Variants in ETV7 observed in about 807,000 individuals in gnomAD.
ETV7 encodes the protein ETS variant transcription factor 7.
ETV7 carries 43 observed loss-of-function variants against 39.1 expected under a neutral mutation model. The ratio of observed to expected loss-of-function variants is 1.10; its 90% CI spans 0.86 to 1.42. The LOEUF is 1.42. ETV7 is among the 40% of genes most tolerant of loss of function. ETV7 has a pLI of 0.00. For synonymous variants in ETV7, 196 were observed against 176.6 expected, an observed-to-expected ratio of 1.11 and a Z score of -0.87; for missense variants, 432 against 442.3, an observed-to-expected ratio of 0.98 and a Z score of 0.21.
intron 2 of ETV7, among the ~76,000 whole-genome samples, chr6:36,383,544 T>C (rs1773754414): frequency 6.6e-6 from 1 of 151,346 alleles, no homozygotes; most frequent in African/African-American, 2.4e-5. Flanking sequence ...AGGTTGGAGG[T>C]AGGGGAGGGA....
In ETV7 at chr6:36,371,523, G is replaced by A; in HGVS notation, c.471C>T (p.Gly157=). 6.2e-7 allele frequency: 1 copy of A among 1,603,090 alleles called. No individual in the cohort carries two copies. The highest frequency in any genetic ancestry group is 8.5e-7 in the Non-Finnish European group (1 of 1,175,782). The change falls in exon 5 of 8, where the codon GGC becomes GGT. Residue 157 remains glycine, a synonymous_variant. Coordinates refer to ENST00000340181, the MANE Select transcript of ETV7 (RefSeq NM_016135.4). Reference sequence around the variant, plus strand: ...CTGGGTCTGGTGGCTGCAGCAGGTGGCCCCTTCGGGTGTCCATCTGAGAGG... The same window carrying A: ...CTGGGTCTGGTGGCTGCAGCAGGTGACCCCTTCGGGTGTCCATCTGAGAGG... ...TGPSQMDTRR[G]HLLQPPDPGL...
rs1367970358 is a variant in ETV7 at position 36,354,665 on chromosome 6, T to C, written c.931A>G (p.Ile311Val). ...GGTCACTGGAAACTCCATATGAATA[T>C]GAAGATCAGCTGAAGTCCATTTCTG... The change falls in exon 8 of 8, where the codon ATA (isoleucine) becomes GTA (valine). Residue 311 changes from isoleucine (I) to valine (V), a missense_variant. Transcript: ENST00000339796. 6 of 699,242 alleles carry C rather than the reference T, an allele frequency of 8.6e-6. No homozygotes were observed. In the East Asian group the frequency reaches 1.1e-4, roughly 13 times the overall value. The allele number at this position is 699,242 out of a possible 1,614,324, so 43.3% of individuals were successfully genotyped here. A position where few individuals can be genotyped will look rare whatever the true frequency, so the allele number is the denominator to read the frequency against.
chr6:36,380,186 G>A (rs148689916), intron 2 of ETV7, among the ~76,000 whole-genome samples: 28 of 152,254 alleles, frequency 1.8e-4, no homozygotes, highest in African/African-American at 2.9e-4. Context: ...TATCTAGGGC[G>A]TCAATCACCC....
rs757731004 is a variant in ETV7 at position 36,366,957 on chromosome 6, A to T, written c.826T>A (p.Tyr276Asn). The stretch of plus-strand genomic sequence containing the variant: ...CGCAGGGCACGAGACATCTTCTCGT[A>T]GGTCATGTTCACCCGGTTCTGGAAA... ...GNHKNRVNMT[Y>N]EKMSRALRHY... Residue 276 changes from tyrosine to asparagine, a missense_variant, in exon 7 of 8, where the codon TAC becomes AAC. Tyr to Asn is a moderately radical substitution (Grantham distance 143). Coordinates refer to ENST00000340181, the MANE Select transcript of ETV7 (RefSeq NM_016135.4). 45 of 1,613,976 alleles carry T rather than the reference A, an allele frequency of 2.8e-5. No individual in the cohort carries two copies. Among genetic ancestry groups the T allele is most frequent in the Non-Finnish European group, 3.8e-5 (45 of 1,179,972 alleles).
chr6:36,372,147 A>G (rs1773061795), intron 4 of ETV7, among the ~76,000 whole-genome samples: 1 of 152,252 alleles, frequency 6.6e-6, no homozygotes, highest in Non-Finnish European at 1.5e-5. Context: ...CCCTGACATT[A>G]GCATTTGAAC....
intron 7 of ETV7, among the ~76,000 whole-genome samples, chr6:36,360,069 T>G (rs978293669): frequency 6.6e-6 from 1 of 152,172 alleles, no homozygotes; most frequent in Admixed American, 6.5e-5. Flanking sequence ...ATTTTTTTAT[T>G]TTTAGTAGAG....
chr6:36,363,720 G>C (rs1224911247), downstream of ETV7, among the ~76,000 whole-genome samples: 1 of 152,170 alleles, frequency 6.6e-6, no homozygotes, highest in African/African-American at 2.4e-5. Flanking sequence ...ACAGGGTGCT[G>C]ATTGGTGCGT....
At chr6:36,379,247 A>C (rs1053070157) in intron 2 of ETV7, among the ~76,000 whole-genome samples, 17 of 152,218 alleles carry the variant, frequency 1.1e-4, no homozygotes, top group African/African-American at 4.1e-4. Context: ...GAAAATTCAA[A>C]ACTGTGATTC....
intron 7 of ETV7, among the ~76,000 whole-genome samples, chr6:36,356,399 AT>A (rs1184904141): frequency 6.6e-6 from 1 of 152,086 alleles, no homozygotes; most frequent in Non-Finnish European, 1.5e-5. Context: ...TTATATATCA[AT>A]TTTTTAAAAA....
chr6:36,356,667 T>C (rs567331234), intron 7 of ETV7, among the ~76,000 whole-genome samples: 1 of 152,322 alleles, frequency 6.6e-6, no homozygotes, highest in Non-Finnish European at 1.5e-5. Flanking sequence ...GAAATGGGCT[T>C]CTCTTAATGG....
At chr6:36,364,556 A>G (rs1772649001), downstream of ETV7, among the ~76,000 whole-genome samples, 3 of 152,224 alleles carry the variant, frequency 2.0e-5, no homozygotes, top group South Asian at 2.1e-4. Flanking sequence ...CGCTCACCCG[A>G]AAGTTCAGCT....
intron 6 of ETV7, among the ~76,000 whole-genome samples, chr6:36,368,394 G>T (rs537406826): frequency 2.8e-4 from 42 of 152,224 alleles, no homozygotes; most frequent in African/African-American, 9.6e-4. Flanking sequence ...TTATATCACT[G>T]CTGTAAATCA....
Position 36,373,537 on chromosome 6 carries a change from G to T in ETV7, c.349C>A (p.Arg117=), listed in dbSNP as rs755612832. ...YELLQYIKTQ[R]RALVCGPFFG... Reference sequence around the variant, plus strand: ...AAGGGCCCACACACCAGGGCTCGCCGCTGGGTCTTGATGTACTGGAGCAGC... The same window carrying T: ...AAGGGCCCACACACCAGGGCTCGCCTCTGGGTCTTGATGTACTGGAGCAGC... Residue 117 remains arginine, a synonymous_variant, in exon 4 of 8, where the codon CGG becomes AGG. Transcript: ENST00000340181. 3.2e-6 allele frequency: 5 copies of T among 1,540,970 alleles called. No homozygotes were observed. The African/African-American group carries it at 6.9e-5, about 21-fold the overall frequency.
chr6:36,356,603 C>A (rs1454609434), intron 7 of ETV7, among the ~76,000 whole-genome samples: 1 of 152,072 alleles, frequency 6.6e-6, no homozygotes, highest in Non-Finnish European at 1.5e-5. Flanking sequence ...AGGGAAGGAC[C>A]CTGATTGGCC....
intron 1 of ETV7, among the ~76,000 whole-genome samples, 170 bp downstream of exon 1, chr6:36,387,366 A>G (rs1304508003): frequency 2.0e-5 from 3 of 151,638 alleles, no homozygotes; most frequent in African/African-American, 7.3e-5. Flanking sequence ...TGGAGGTGGA[A>G]GGGGAAGTGA....
intron 2 of ETV7, among the ~76,000 whole-genome samples, chr6:36,383,700 G>A (rs1450770994): frequency 1.3e-5 from 2 of 152,192 alleles, no homozygotes; most frequent in African/African-American, 4.8e-5. Flanking sequence ...TTGCTTGTTT[G>A]GGATGCTGTT....
rs1772338429 is a variant in ETV7 at position 36,356,331 on chromosome 6, A to AAAAC, written c.909-1645_909-1644insGTTT. The stretch of plus-strand genomic sequence containing the variant: ...AGAGTGAGACCCTGTCTCAAAAAAA[A>AAAAC]AAAAAAAACAAAAAAAAACACAAAC... On this transcript the variant is annotated intron_variant, in intron 7 of 7. Transcript: ENST00000339796. Among the ~76,000 whole-genome samples, 5 of 150,824 alleles carry AAAAC rather than the reference A, an allele frequency of 3.3e-5. No individual in the cohort carries two copies. The South Asian group carries it at 1.0e-3, about 31-fold the overall frequency.
intron 3 of ETV7, among the ~76,000 whole-genome samples, chr6:36,374,175 T>C (rs1201280475): frequency 6.6e-6 from 1 of 152,064 alleles, no homozygotes; most frequent in South Asian, 2.1e-4. Context: ...CTGGGCAACA[T>C]GGATAGACCC....
At chr6:36,375,777 C>T (rs1176144689) in intron 3 of ETV7, 94 bp downstream of exon 3, 14 of 1,582,792 alleles carry the variant, frequency 8.8e-6, no homozygotes, top group Non-Finnish European at 1.2e-5. Flanking sequence ...AAGGAAGACC[C>T]CTCCATCTCC....
Sources: allele counts gnomAD v4.1 joint callset (sites outside exome capture counted in the v4.1 genomes callset), GRCh38; gene constraint gnomAD v4.1.1; transcripts MANE v1.5; gene names NCBI Gene and HGNC (gene_info 2026-07-23, HGNC 2026-07-21).